LITAF: variants seen among roughly 807,000 people sequenced by gnomAD.
LITAF encodes lipopolysaccharide induced TNF factor.
LITAF carries 9 observed loss-of-function variants against 14.5 expected under a neutral mutation model. That is an observed-to-expected ratio of 0.62 (90% CI 0.37 to 1.08). The LOEUF is 1.08. Among genes scored for constraint, LITAF ranks in the 50% least tolerant of loss-of-function variants. The pLI is 0.01. For missense variants in LITAF, 206 were observed against 213.4 expected (o/e 0.97, Z 0.22); for synonymous variants, 98 against 88.2 (o/e 1.11, Z -0.62).
At chr16:11,552,751 G>C (rs1229419730) in intron 3 of LITAF, among the ~76,000 whole-genome samples, 3 of 152,244 alleles carry the variant, frequency 2.0e-5, no homozygotes, top group South Asian at 4.1e-4. Flanking sequence ...GGTGCTCCTA[G>C]CATTAAGCGG....
chr16:11,611,841 T>C (rs1211983861), intron 3 of LITAF, among the ~76,000 whole-genome samples: 1 of 152,036 alleles, frequency 6.6e-6, no homozygotes, highest in East Asian at 1.9e-4. Flanking sequence ...TTTTTTGTAT[T>C]TTTAGTAGAA....
At chr16:11,622,610 A>G (rs1484685266) in intron 3 of LITAF, among the ~76,000 whole-genome samples, 1 of 152,192 alleles carries the variant, frequency 6.6e-6, no homozygotes, top group Non-Finnish European at 1.5e-5. Context: ...TTGCTTTTGC[A>G]CCGTTTAACA....
chr16:11,630,534 T>C (rs2065111858), intron 3 of LITAF, among the ~76,000 whole-genome samples: 2 of 149,660 alleles, frequency 1.3e-5, no homozygotes, highest in Non-Finnish European at 3.0e-5. Context: ...CAGGTCTCTC[T>C]GGCGGCAGTG....
chr16:11,614,364 A>G (rs917088048), intron 3 of LITAF, among the ~76,000 whole-genome samples: 1 of 149,252 alleles, frequency 6.7e-6, no homozygotes, highest in African/African-American at 2.5e-5. Flanking sequence ...CAGTGGCACA[A>G]TCTTGGCTCA....
chr16:11,548,239 AC>A lies in LITAF; in HGVS notation c.*1397del. 2.2e-6 allele frequency: 1 copy of A among 453,996 alleles called. No homozygotes were observed. The highest frequency in any genetic ancestry group is 1.6e-5 in the South Asian group (1 of 64,470). The allele number at this position is 453,996 out of a possible 1,614,324, so 28.1% of individuals were successfully genotyped here. Reference sequence around the variant, plus strand: ...ATTCTGAAGTATTATCAAAACGAGGACCCTTGAAGGTCGAGCCCAGCTTTGT... The same window carrying A: ...ATTCTGAAGTATTATCAAAACGAGGACCTTGAAGGTCGAGCCCAGCTTTGT... On this transcript the variant is annotated 3_prime_UTR_variant, in exon 4 of 4. Coordinates refer to ENST00000622633, the MANE Select transcript of LITAF (RefSeq NM_001136472.2).
chr16:11,630,863 C>G (rs2065114446), intron 3 of LITAF, among the ~76,000 whole-genome samples: 1 of 152,130 alleles, frequency 6.6e-6, no homozygotes, highest in Admixed American at 6.6e-5. Flanking sequence ...TCCCAAAGTG[C>G]TAAGATCACA....
intron 1 of LITAF, among the ~76,000 whole-genome samples, chr16:11,570,691 G>A (rs933366600): frequency 6.6e-6 from 1 of 152,130 alleles, no homozygotes; most frequent in Admixed American, 6.6e-5. Flanking sequence ...GTCCTTATAA[G>A]AGAAAGGTAG....
upstream of LITAF, among the ~76,000 whole-genome samples, chr16:11,588,337 T>A (rs538100791): frequency 2.3e-4 from 34 of 151,088 alleles, 1 homozygote; most frequent in South Asian, 4.4e-3. Context: ...TCTATAAAAA[T>A]TTTTTTAATT....
At chr16:11,637,483 G>A (rs2065142465), upstream of LITAF, among the ~76,000 whole-genome samples, 1 of 152,226 alleles carries the variant, frequency 6.6e-6, no homozygotes. Flanking sequence ...GGCAGCTGGG[G>A]ACCTGGGCTC....
intron 3 of LITAF, among the ~76,000 whole-genome samples, chr16:11,623,136 G>C (rs867467974): frequency 6.6e-6 from 1 of 150,948 alleles, no homozygotes; most frequent in African/African-American, 2.4e-5. Context: ...GCTAATTTTT[G>C]TATTTTTAGT....
intron 2 of LITAF, among the ~76,000 whole-genome samples, chr16:11,556,123 G>T (rs2064263529): frequency 6.6e-6 from 1 of 152,200 alleles, no homozygotes; most frequent in Non-Finnish European, 1.5e-5. Context: ...CATTGCTCAG[G>T]ACGGTTTCTT....
chr16:11,565,513 A>G (rs2064437871), intron 1 of LITAF, among the ~76,000 whole-genome samples: 1 of 151,998 alleles, frequency 6.6e-6, no homozygotes, highest in Non-Finnish European at 1.5e-5. Context: ...ATCCCAAGTC[A>G]AGGCCTTAAA....
At position 11,632,208 on chromosome 16, in the gene LITAF, G is replaced by C. The variant is rs781271420; in HGVS notation, c.85+1325C>G. Reference sequence around the variant, plus strand: ...TTCAAATCAGGTCACCTTCACAAGTGCTGGGAGTTACGTCGTGGACGTGTC... The same window carrying C: ...TTCAAATCAGGTCACCTTCACAAGTCCTGGGAGTTACGTCGTGGACGTGTC... On this transcript the variant is annotated intron_variant, in intron 3 of 3. Coordinates refer to the LITAF transcript ENST00000574848. This position sits in a 1 kb window ranked among gnomAD's most constrained non-coding sequence, Gnocchi z 4.8. 6.6e-6 allele frequency among the ~76,000 whole-genome samples: 1 copy of C among 152,166 alleles called. No homozygotes were observed. Among genetic ancestry groups the C allele is most frequent in the Non-Finnish European group, 1.5e-5 (1 of 68,028 alleles).
chr16:11,597,213 C>T (rs891359785), intron 1 of LITAF, among the ~76,000 whole-genome samples: 5 of 152,118 alleles, frequency 3.3e-5, no homozygotes, highest in African/African-American at 9.7e-5. Flanking sequence ...GAAAAATCCA[C>T]AATAAACAAG....
intron 1 of LITAF, among the ~76,000 whole-genome samples, chr16:11,595,822 T>C (rs1207569642): frequency 1.3e-5 from 2 of 152,234 alleles, no homozygotes; most frequent in African/African-American, 4.8e-5. Flanking sequence ...TGCCTGTTGG[T>C]CATTTGTATA....
chr16:11,573,591 G>GT (rs2064580310), intron 1 of LITAF, among the ~76,000 whole-genome samples: 1 of 151,630 alleles, frequency 6.6e-6, no homozygotes, highest in Non-Finnish European at 1.5e-5. Flanking sequence ...ACGAGGAAGA[G>GT]TTTTATTTGG....
At chr16:11,604,282 T>G (rs1042396105) in intron 3 of LITAF, among the ~76,000 whole-genome samples, 1 of 152,202 alleles carries the variant, frequency 6.6e-6, no homozygotes, top group Non-Finnish European at 1.5e-5. Flanking sequence ...GGAACTACAT[T>G]CACTGAAGGG....
intron 1 of LITAF, among the ~76,000 whole-genome samples, chr16:11,560,275 C>T (rs9932179): frequency 6.6e-6 from 1 of 151,884 alleles, no homozygotes; most frequent in Admixed American, 6.6e-5. Flanking sequence ...CTAGCCTGGG[C>T]AACAGAGTGA....
chr16:11,613,197 G>A (rs542353153), intron 3 of LITAF, among the ~76,000 whole-genome samples: 13 of 152,134 alleles, frequency 8.5e-5, no homozygotes, highest in Non-Finnish European at 1.8e-4. Context: ...CTACCACCAC[G>A]CCTGGCTAGT....
Sources: allele counts gnomAD v4.1 joint callset (sites outside exome capture counted in the v4.1 genomes callset), GRCh38; gene constraint gnomAD v4.1.1; non-coding constraint Gnocchi (gnomAD v3.1); transcripts MANE v1.5; gene names NCBI Gene and HGNC (gene_info 2026-07-23, HGNC 2026-07-21).